GEMIN5: variants seen among roughly 807,000 people sequenced by gnomAD.
GEMIN5 encodes gem nuclear organelle associated protein 5.
In GEMIN5, 124 loss-of-function variants were observed where a neutral mutation model predicts 176.9. The observed-to-expected ratio is 0.70, with a 90% CI of 0.61 to 0.81. The LOEUF (loss-of-function observed/expected upper bound fraction) is 0.81, where lower values mean the gene tolerates loss of function less well. Among genes scored for constraint, GEMIN5 ranks in the 40% least tolerant of loss-of-function variants. The pLI is 0.00. For synonymous variants in GEMIN5, 673 were observed against 665.2 expected (o/e 1.01, Z -0.18); for missense variants, 1,843 against 1,814.6 (o/e 1.02, Z -0.28).
intron 5 of GEMIN5, 56 bp downstream of exon 5, chr5:154,931,402 C>T (rs1764157935): frequency 1.3e-6 from 2 of 1,530,748 alleles, no homozygotes; most frequent in Non-Finnish European, 1.8e-6. Flanking sequence ...AACAGAAAAC[C>T]CTCTACTTCC....
At position 154,907,817 on chromosome 5, in the gene GEMIN5, G is replaced by C. The variant is rs768928449; in HGVS notation, c.2169C>G (p.Gly723=). 3 of 1,520,910 alleles carry C rather than the reference G, an allele frequency of 2.0e-6. No homozygotes were observed. In the African/African-American group the frequency reaches 4.2e-5, roughly 21 times the overall value. 94.2% of individuals were successfully genotyped at this position (1,520,910 alleles called of 1,614,324 possible). Residue 723 remains glycine (G), a splice_region_variant and synonymous_variant, in exon 16 of 28, where the codon GGC becomes GGG. Transcript: ENST00000285873. ...TTTTCTCCAATTCAATACTTTTTTT[G>C]CCTACAAGAATCACAATAAAGGACT... ...SMQDHSRPPQ[G]KKSIELEKKR...
chr5:154,919,716 G>C (rs576244673), intron 11 of GEMIN5, among the ~76,000 whole-genome samples: 1 of 152,178 alleles, frequency 6.6e-6, no homozygotes, highest in African/African-American at 2.4e-5. Flanking sequence ...TTTTTCAGTA[G>C]TTCTTTTTTG....
Position 154,935,991 on chromosome 5 carries a change from C to T in GEMIN5, c.359G>A (p.Arg120Gln), listed in dbSNP as rs1278402229. ...HTISTLHWSPRVKDLIVSGDE... is the reference protein window; with the variant it reads ...HTISTLHWSPQVKDLIVSGDE... Reference sequence around the variant, plus strand: ...CCCAGATACTATTAAGTCCTTTACTCGAGGAGACCAATGTAATGTTGATAT... The same window carrying T: ...CCCAGATACTATTAAGTCCTTTACTTGAGGAGACCAATGTAATGTTGATAT... The change falls in exon 3 of 28, where the codon CGA becomes CAA. Residue 120 changes from arginine (R) to glutamine (Q), a missense_variant. Coordinates refer to ENST00000285873, the MANE Select transcript of GEMIN5 (RefSeq NM_015465.5). The T allele has an allele frequency of 4.3e-6, 7 of 1,610,334 alleles. No individual in the cohort carries two copies. Among genetic ancestry groups the T allele is most frequent in the South Asian group, 1.1e-5 (1 of 90,650 alleles).
intron 27 of GEMIN5, among the ~76,000 whole-genome samples, 163 bp downstream of exon 27, chr5:154,889,158 G>T (rs1316276330): frequency 6.8e-6 from 1 of 147,412 alleles, no homozygotes; most frequent in East Asian, 1.9e-4. Flanking sequence ...TTACAGGCGT[G>T]AGCCACCACG....
intron 23 of GEMIN5, 143 bp from the exon 24 acceptor site, chr5:154,896,486 G>C (rs1247184614): frequency 4.1e-6 from 3 of 738,676 alleles, no homozygotes; most frequent in African/African-American, 3.7e-5. Context: ...CCCCATATGA[G>C]TCATGCATGA....
Position 154,904,586 on chromosome 5 carries a change from C to A in GEMIN5, c.2553G>T (p.Leu851=). The A allele has an allele frequency of 1.2e-6, 2 of 1,612,154 alleles. No homozygotes were observed. The highest frequency in any genetic ancestry group is 1.7e-6 in the Non-Finnish European group (2 of 1,178,298). The change falls in exon 18 of 28, where the codon CTG becomes CTT. Residue 851 remains leucine (L), a synonymous_variant. Coordinates refer to ENST00000285873, the MANE Select transcript of GEMIN5 (RefSeq NM_015465.5). ...TGGATCTGTGGTCCAGGCTTGTACT[C>A]AGGGGAAGCAAGGAACGAGCTTTTC... The part of the protein sequence containing the change: ...KKRKARSLLP[L]STSLDHRSKE...
chr5:154,888,999 C>G (rs548995679), intron 27 of GEMIN5, among the ~76,000 whole-genome samples: 44 of 152,202 alleles, frequency 2.9e-4, no homozygotes, highest in Non-Finnish European at 5.1e-4. Flanking sequence ...GCCTCAGCCT[C>G]CCGAGTAACT....
At chr5:154,896,499 A>G (rs1763355579) in intron 23 of GEMIN5, among the ~76,000 whole-genome samples, 156 bp from the exon 24 acceptor site, 1 of 152,192 alleles carries the variant, frequency 6.6e-6, no homozygotes, top group Non-Finnish European at 1.5e-5. Context: ...ATGCATGAAA[A>G]GAGACAAAAG....
intron 5 of GEMIN5, 53 bp from the exon 6 acceptor site, chr5:154,928,712 A>G (rs1184162018): frequency 1.9e-6 from 3 of 1,557,658 alleles, no homozygotes; most frequent in African/African-American, 1.4e-5. Context: ...AACTACATGC[A>G]TGAAGTCACC....
At position 154,937,170 on chromosome 5, in the gene GEMIN5, A is replaced by G; in HGVS notation, c.182T>C (p.Val61Ala). The G allele has an allele frequency of 6.2e-7, 1 of 1,610,686 alleles. No homozygotes were observed. Residue 61 changes from valine to alanine, a missense_variant, in exon 2 of 28, where the codon GTG becomes GCG. By Grantham distance (64) the Val-to-Ala change is moderately conservative. Transcript: ENST00000285873. The part of the protein sequence containing the change: ...TPPFRVIGEL[V>A]GHTERVSGFT... ...GCCAGAGACCCTTTCGGTGTGTCCC[A>G]CCAACTCTCCTATGACTTTAAGCAA...
rs370014436 is a variant in GEMIN5, at chr5:154,931,906, G to A, written c.661+193C>T. 3.6e-3 allele frequency among the ~76,000 whole-genome samples: 547 copies of A among 152,338 alleles called. 5 individuals carry two copies. The highest frequency in any genetic ancestry group is 0.034 in the South Asian group (165 of 4,828). ...CGCATGCCTGTAATCCCGGCTACTC[G>A]GGAGGCTGAGGCAGGAGAATCGCTT... On this transcript the variant is annotated intron_variant, in intron 4 of 27. Coordinates refer to ENST00000285873, the MANE Select transcript of GEMIN5 (RefSeq NM_015465.5).
At chr5:154,892,659 C>T in intron 24 of GEMIN5, 110 bp from the exon 25 acceptor site, 1 of 1,077,112 alleles carries the variant, frequency 9.3e-7, no homozygotes, top group Non-Finnish European at 1.3e-6. Context: ...ACACAATTCA[C>T]ACTTTGAAAG....
rs371804417 is a variant in GEMIN5 at position 154,925,886 on chromosome 5, T to C, written c.1269A>G (p.Gln423=). The part of the protein sequence containing the change: ...KNNYDVKNFW[Q]GVKSKVTALC... ...CCGCTGTAACCTTGGACTTCACGCC[T>C]TGCCAAAAATTTTTCACATCATAGT... is the stretch of plus-strand genomic sequence containing the variant. Residue 423 remains glutamine, a synonymous_variant, in exon 8 of 28, where the codon CAA becomes CAG. Coordinates refer to ENST00000285873, the MANE Select transcript of GEMIN5 (RefSeq NM_015465.5). The C allele has an allele frequency of 2.5e-6, 4 of 1,613,002 alleles. No individual in the cohort carries two copies. The African/African-American group carries it at 4.0e-5, about 16-fold the overall frequency.
intron 27 of GEMIN5, 61 bp downstream of exon 27, chr5:154,889,260 G>A (rs1763175803): frequency 2.4e-6 from 2 of 833,272 alleles, no homozygotes; most frequent in East Asian, 2.5e-5. Flanking sequence ...TAAGAATGTG[G>A]TATAGTCAAG....
chr5:154,891,326 G>A lies in GEMIN5; in HGVS notation c.4177C>T (p.Leu1393Phe), dbSNP rs982745353. The A allele has an allele frequency of 6.8e-6, 11 of 1,614,046 alleles. No homozygotes were observed. Among genetic ancestry groups the A allele is most frequent in the Admixed American group, 1.7e-5 (1 of 60,012 alleles). Reference sequence around the variant, plus strand: ...GGACCATTTGCTGTGGATTTACAGAGTTGACTCTTTTGGTGTTGTCGGATC... The same window carrying A: ...GGACCATTTGCTGTGGATTTACAGAATTGACTCTTTTGGTGTTGTCGGATC... ...EMIRQHQKSQ[L>F]CKSTANGPDK... Residue 1393 changes from leucine (L) to phenylalanine (F), a missense_variant, in exon 26 of 28, where the codon CTC (leucine) becomes TTC (phenylalanine). Coordinates refer to ENST00000285873, the MANE Select transcript of GEMIN5 (RefSeq NM_015465.5).
chr5:154,904,695 A>T lies in GEMIN5; in HGVS notation c.2510-66T>A. 2.4e-6 allele frequency: 3 copies of T among 1,269,424 alleles called. No homozygotes were observed. The South Asian group carries it at 3.6e-5, about 15-fold the overall frequency. The allele number at this position is 1,269,424 out of a possible 1,614,324, so 78.6% of individuals were successfully genotyped here. ...ATCAGAAACATAAAACGGAATGCCTATTGTGTGAATGTAACCTACTGGCAG... is the reference window on the plus strand; with the variant it reads ...ATCAGAAACATAAAACGGAATGCCTTTTGTGTGAATGTAACCTACTGGCAG... On this transcript the variant is annotated intron_variant, in intron 17 of 27. Transcript: ENST00000285873.
In GEMIN5 at chr5:154,931,450, A is replaced by G; in HGVS notation, c.781+8T>C. ...TAGGTTACATCACAAAAGAAAGATC[A>G]ATCTTACCTCGGCCTCTAGAACAGC... On this transcript the variant is annotated splice_region_variant and intron_variant, in intron 5 of 27. Coordinates refer to ENST00000285873, the MANE Select transcript of GEMIN5 (RefSeq NM_015465.5). The G allele has an allele frequency of 6.3e-7, 1 of 1,599,156 alleles. No individual in the cohort carries two copies. The highest frequency in any genetic ancestry group is 1.1e-5 in the South Asian group (1 of 89,624).
Position 154,891,711 on chromosome 5 carries a change from GTCCCCCAAC to G in GEMIN5, c.3783_3791del (p.Lys1261_Asp1264delinsAsn), listed in dbSNP as rs1372663582. 3.7e-6 allele frequency: 6 copies of G among 1,605,226 alleles called. No individual in the cohort carries two copies. The African/African-American group carries it at 5.4e-5, about 14-fold the overall frequency. On this transcript the variant is annotated inframe_deletion, in exon 26 of 28. Transcript: ENST00000285873. ...AAGCTGGTGTGGCAGGGGATTGATGGTCCCCCAACTTGTCTCTTAGGTGGTCACAGCCTA... is the reference window on the plus strand; with the variant it reads ...AAGCTGGTGTGGCAGGGGATTGATGGTTGTCTCTTAGGTGGTCACAGCCTA...
At chr5:154,912,572 T>C (rs1437697655) in intron 14 of GEMIN5, among the ~76,000 whole-genome samples, 1 of 152,246 alleles carries the variant, frequency 6.6e-6, no homozygotes, top group African/African-American at 2.4e-5. Context: ...TTAGCCAACA[T>C]TTCAGTGTCT....
Sources: gnomAD v4.1 joint callset for allele counts (sites outside exome capture counted in the v4.1 genomes callset) on GRCh38, gnomAD v4.1.1 for gene constraint, MANE v1.5 for transcripts, NCBI Gene and HGNC (gene_info 2026-07-23, HGNC 2026-07-21) for gene names.